The following RFT1 variants were observed in gnomAD, a reference collection of about 807,000 sequenced individuals.
The protein encoded by RFT1 is man(5)GlcNAc(2)-PP-dolichol translocation protein RFT1.
RFT1 carries 43 observed loss-of-function variants against 62.2 expected under a neutral mutation model. That is an observed-to-expected ratio of 0.69 (90% confidence interval 0.54 to 0.89). The LOEUF (loss-of-function observed/expected upper bound fraction) is 0.89, where lower values mean the gene tolerates loss of function less well. Ranked by LOEUF, RFT1 falls within the 40% of genes least tolerant of loss-of-function variation. RFT1 has a pLI of 0.00. For synonymous variants in RFT1, 262 were observed against 264.6 expected (o/e 0.99, Z 0.10); for missense variants, 605 against 649.9 (o/e 0.93, Z 0.75).
intron 1 of RFT1, among the ~76,000 whole-genome samples, chr3:53,130,135 A>G (rs978145929): frequency 6.6e-6 from 1 of 152,228 alleles, no homozygotes; most frequent in African/African-American, 2.4e-5. Context: ...CACCCGGCCT[A>G]GACTCTAAAG....
At chr3:53,088,082 G>A (rs1293411250), downstream of RFT1, among the ~76,000 whole-genome samples, 4 of 152,188 alleles carry the variant, frequency 2.6e-5, no homozygotes, top group African/African-American at 9.7e-5. Flanking sequence ...GGCTGTCCTA[G>A]ACCCCCTGAA....
chr3:53,088,286 C>T (rs1482110213), downstream of RFT1, among the ~76,000 whole-genome samples: 1 of 152,196 alleles, frequency 6.6e-6, no homozygotes, highest in Non-Finnish European at 1.5e-5. Context: ...CAGTCCCAGA[C>T]ACAGGAGGTG....
At chr3:53,112,722 G>C (rs1325716476) in intron 6 of RFT1, among the ~76,000 whole-genome samples, 2 of 152,160 alleles carry the variant, frequency 1.3e-5, no homozygotes, top group Non-Finnish European at 2.9e-5. Context: ...CAGCCTGGAT[G>C]ACAGAGCGAA....
At chr3:53,113,451 C>T (rs1454079486) in intron 6 of RFT1, among the ~76,000 whole-genome samples, 6 of 152,338 alleles carry the variant, frequency 3.9e-5, no homozygotes, top group African/African-American at 1.2e-4. Flanking sequence ...GCCCACTCTA[C>T]CTCTCCAAAA....
rs777579636 is a variant in RFT1, at chr3:53,123,817, G to T, written c.173C>A (p.Thr58Asn). ...GAAGGCCTCTCTGGCCAGGAAGAGG[G>T]TGGTTGAGTAAAGCAGCGTTAGTCT... is the stretch of plus-strand genomic sequence containing the variant. ...NVRLTLLYST[T>N]LFLAREAFRR... is the part of the protein sequence containing the mutation. The change falls in exon 3 of 13, where the codon ACC (threonine) becomes AAC (asparagine). Residue 58 changes from threonine (T) to asparagine (N), a missense_variant. Thr to Asn is a moderately conservative substitution (Grantham distance 65). Transcript: ENST00000296292. The T allele has an allele frequency of 2.5e-6, 4 of 1,614,160 alleles. No individual in the cohort carries two copies. The highest frequency in any genetic ancestry group is 3.4e-6 in the Non-Finnish European group (4 of 1,179,978).
intron 11 of RFT1, among the ~76,000 whole-genome samples, 166 bp downstream of exon 11, chr3:53,099,215 G>A (rs926170788): frequency 2.0e-5 from 3 of 152,218 alleles, no homozygotes; most frequent in African/African-American, 7.2e-5. Flanking sequence ...GCTGAACCAT[G>A]CTGGTGCCAC....
At chr3:53,080,077 A>C in the RFT1 span, among the ~76,000 whole-genome samples, 1 of 152,084 alleles carries the variant, frequency 6.6e-6, no homozygotes, top group African/African-American at 2.4e-5. Flanking sequence ...CTGCCACAGC[A>C]GCTGTCCCTC....
intron 10 of RFT1, among the ~76,000 whole-genome samples, chr3:53,101,269 C>T (rs569666970): frequency 2.6e-5 from 4 of 152,330 alleles, no homozygotes; most frequent in East Asian, 3.9e-4. Flanking sequence ...CCCCAGCTGA[C>T]GGTGACTCCA....
chr3:53,105,909 G>A, intron 8 of RFT1, 106 bp from the exon 9 acceptor site: 1 of 1,109,450 alleles, frequency 9.0e-7, no homozygotes, highest in African/African-American at 1.6e-5. Context: ...TGTTTATCTT[G>A]AGATAATTAT....
intron 1 of RFT1, among the ~76,000 whole-genome samples, chr3:53,128,482 C>T (rs1702173302): frequency 6.6e-6 from 1 of 152,144 alleles, no homozygotes. Flanking sequence ...TCCTTATTAG[C>T]AACACAGCCT....
chr3:53,094,367 A>G (rs1298555971), intron 11 of RFT1, among the ~76,000 whole-genome samples: 1 of 151,828 alleles, frequency 6.6e-6, no homozygotes, highest in African/African-American at 2.4e-5. Flanking sequence ...ACACACACAC[A>G]CACACACACA....
chr3:53,112,864 A>G lies in RFT1; in HGVS notation c.697-956T>C, dbSNP rs535680382. Among the ~76,000 whole-genome samples the G allele has an allele frequency of 2.6e-5, 4 of 152,326 alleles. No individual in the cohort carries two copies. In the South Asian group the frequency reaches 8.3e-4, roughly 32 times the overall value. On this transcript the variant is annotated intron_variant, in intron 6 of 12. Transcript: ENST00000296292. ...GAGACAGGTGGCCTCAAAGCCAGGG[A>G]GCTGAGCACAAAATGGAAGAGCAAG...
At position 53,122,491 on chromosome 3, in the gene RFT1, A is replaced by C; in HGVS notation, c.339T>G (p.Pro113=). The C allele has an allele frequency of 6.2e-7, 1 of 1,614,116 alleles. No individual in the cohort carries two copies. The highest frequency in any genetic ancestry group is 8.5e-7 in the Non-Finnish European group (1 of 1,180,002). Residue 113 remains proline, a synonymous_variant, in exon 4 of 13, where the codon CCT becomes CCG. Coordinates refer to ENST00000296292, the MANE Select transcript of RFT1 (RefSeq NM_052859.4). The stretch of plus-strand genomic sequence containing the variant: ...CAGTTGCATAGTGAGGGACAACATT[A>C]GGATCAGGCACTTCAAGCAGCTGCA... ...IWLQLLEVPD[P]NVVPHYATGV...
rs1357181147 is a variant in RFT1 at position 53,090,877 on chromosome 3, C to A, written c.*1026G>T. ...TGGGCTCACACTGTAGCCTGGAGTA[C>A]CAGGCCCCCATGCCTGCCACTCTTG... On this transcript the variant is annotated 3_prime_UTR_variant, in exon 13 of 13. Coordinates refer to ENST00000296292, the MANE Select transcript of RFT1 (RefSeq NM_052859.4). 1 of 152,342 alleles carries A rather than the reference C, an allele frequency of 6.6e-6. No individual in the cohort carries two copies. Among genetic ancestry groups the A allele is most frequent in the East Asian group, 1.9e-4 (1 of 5,188 alleles). The allele number at this position is 152,342 out of a possible 1,614,324, so 9.4% of individuals were successfully genotyped here.
the RFT1 span, among the ~76,000 whole-genome samples, chr3:53,077,397 G>C: frequency 6.6e-6 from 1 of 152,222 alleles, no homozygotes; most frequent in Non-Finnish European, 1.5e-5. Flanking sequence ...ATGCTACAAA[G>C]ATGAGCCTCC....
Position 53,091,950 on chromosome 3 carries a change from G to A in RFT1, c.1579C>T (p.Leu527Phe), listed in dbSNP as rs377113536. ...FLTETKLIHF[L>F]RTQLGVPRRT... ...CTGGGCACACCTAACTGAGTCCTGA[G>A]GAAATGGATCAGCTTGGTCTCTGTG... is the stretch of plus-strand genomic sequence containing the variant. The change falls in exon 13 of 13, where the codon CTC becomes TTC. Residue 527 changes from leucine to phenylalanine, a missense_variant. By Grantham distance (22) the Leu-to-Phe change is conservative (BLOSUM62 0). Transcript: ENST00000296292. 1.9e-6 allele frequency: 3 copies of A among 1,614,268 alleles called. No homozygotes were observed. The highest frequency in any genetic ancestry group is 1.7e-6 in the Non-Finnish European group (2 of 1,180,052).
chr3:53,100,063 G>A (rs115947446), intron 10 of RFT1, among the ~76,000 whole-genome samples: 1,634 of 152,326 alleles, frequency 0.011, 17 homozygotes, highest in Middle Eastern at 0.024. Flanking sequence ...TGGCTAGCAA[G>A]CAAGTCTGTT....
chr3:53,091,922 C>A lies in RFT1; in HGVS notation c.1607G>T (p.Arg536Leu). Residue 536 changes from arginine to leucine, a missense_variant, in exon 13 of 13, where the codon CGC (arginine) becomes CTC (leucine). Transcript: ENST00000296292. ...FLRTQLGVPR[R>L]TDKMT Reference sequence around the variant, plus strand: ...CTGAAGTCATGTCATTTTGTCAGTGCGTCTGGGCACACCTAACTGAGTCCT... The same window carrying A: ...CTGAAGTCATGTCATTTTGTCAGTGAGTCTGGGCACACCTAACTGAGTCCT... 1.2e-6 allele frequency: 2 copies of A among 1,614,206 alleles called. No homozygotes were observed. Among genetic ancestry groups the A allele is most frequent in the Non-Finnish European group, 1.7e-6 (2 of 1,180,030 alleles).
chr3:53,092,495 C>T lies in RFT1; in HGVS notation c.1332G>A (p.Thr444=), dbSNP rs139487607. 1.8e-4 allele frequency: 286 copies of T among 1,612,362 alleles called. No individual in the cohort carries two copies. The Middle Eastern group carries it at 3.8e-3, about 21-fold the overall frequency. The part of the protein sequence containing the change: ...ANCFNMGIRI[T]QSLCFIHRYY... ...AGCGGTGGATGAAGCAAAGGCTCTG[C>T]GTGATCCGAATGCCCATGTTAAAGC... The change falls in exon 12 of 13, where the codon ACG becomes ACA. Residue 444 remains threonine, a synonymous_variant. Coordinates refer to ENST00000296292, the MANE Select transcript of RFT1 (RefSeq NM_052859.4).
Sources: allele counts gnomAD v4.1 joint callset (sites outside exome capture counted in the v4.1 genomes callset), GRCh38; gene constraint gnomAD v4.1.1; transcripts MANE v1.5; gene names NCBI Gene and HGNC (gene_info 2026-07-23, HGNC 2026-07-21).